MSRA: variants seen among roughly 807,000 people sequenced by gnomAD.
MSRA encodes the protein mitochondrial peptide methionine sulfoxide reductase.
A neutral mutation model predicts 31.3 loss-of-function variants in MSRA; 54 were observed. The observed-to-expected ratio is 1.73, with a 90% CI of 1.39 to 2.17. MSRA has a LOEUF of 2.17. Ranked by LOEUF, MSRA falls within the 30% of genes most tolerant of loss-of-function variation. MSRA has a pLI of 0.00. For missense variants in MSRA, 507 were observed against 300.9 expected, an observed-to-expected ratio of 1.69 and a Z score of -5.07; for synonymous variants, 169 against 116.5, an observed-to-expected ratio of 1.45 and a Z score of -2.90.
intron 1 of MSRA, chr8:10,096,427 T>A (rs1351040780): frequency 1.7e-5 from 6 of 346,996 alleles, no homozygotes; most frequent in Non-Finnish European, 2.4e-5. Context: ...GAATTCTCAT[T>A]GTGAGAAGGA....
chr8:10,317,088 C>T (rs1437104162), intron 4 of MSRA, among the ~76,000 whole-genome samples: 2 of 152,192 alleles, frequency 1.3e-5, no homozygotes, highest in African/African-American at 2.4e-5. Flanking sequence ...GTAGGAGTCA[C>T]TCTGTTTTCA....
intron 5 of MSRA, among the ~76,000 whole-genome samples, chr8:10,404,409 C>A (rs986950356): frequency 1.3e-5 from 2 of 152,246 alleles, no homozygotes; most frequent in African/African-American, 2.4e-5. Context: ...TCACCACCCC[C>A]CAACCCTCCG....
chr8:10,063,880 T>C (rs1797330586), intron 1 of MSRA, among the ~76,000 whole-genome samples: 1 of 152,218 alleles, frequency 6.6e-6, no homozygotes, highest in South Asian at 2.1e-4. Flanking sequence ...GGATGTTTTT[T>C]CCTTGCAGCC....
intron 2 of MSRA, among the ~76,000 whole-genome samples, chr8:10,226,963 C>G (rs1276701020): frequency 1.3e-5 from 2 of 152,152 alleles, no homozygotes; most frequent in African/African-American, 4.8e-5. Context: ...GCTGGGAGAA[C>G]TGTGCTGGTC....
chr8:10,179,309 A>G (rs138712190), intron 1 of MSRA, among the ~76,000 whole-genome samples: 10 of 152,326 alleles, frequency 6.6e-5, no homozygotes, highest in Non-Finnish European at 1.5e-4. Context: ...CAGAAGGAAG[A>G]CAGGGTTCAT....
chr8:10,186,804 A>G (rs1807096158), intron 1 of MSRA, among the ~76,000 whole-genome samples: 1 of 152,010 alleles, frequency 6.6e-6, no homozygotes, highest in African/African-American at 2.4e-5. Context: ...CCGTGCTGCT[A>G]TTGTTTTTTT....
At chr8:10,174,701 G>T (rs1805884446) in intron 1 of MSRA, among the ~76,000 whole-genome samples, 1 of 152,044 alleles carries the variant, frequency 6.6e-6, no homozygotes, top group South Asian at 2.1e-4. Context: ...ATCTTTCATT[G>T]CTGGTTAGAC....
rs952591203 is a variant in MSRA, at chr8:10,332,973, A to G, written c.543+12984A>G. ...GAGCCCCTGTGCAGATGCCGGTATCAGTCTTTTATTCACTTGCACTGAGTT... is the reference window on the plus strand; with the variant it reads ...GAGCCCCTGTGCAGATGCCGGTATCGGTCTTTTATTCACTTGCACTGAGTT... On this transcript the variant is annotated intron_variant, in intron 5 of 5. Coordinates refer to ENST00000317173, the MANE Select transcript of MSRA (RefSeq NM_012331.5). Among the ~76,000 whole-genome samples the G allele has an allele frequency of 5.9e-5, 9 of 152,360 alleles. 1 individual carries two copies. The highest frequency in any genetic ancestry group is 1.7e-4 in the African/African-American group (7 of 41,582).
chr8:10,238,526 G>C (rs7828040), intron 2 of MSRA, among the ~76,000 whole-genome samples: 10,615 of 152,216 alleles, frequency 0.07, 424 homozygotes, highest in South Asian at 0.17. Context: ...AAAAATATTT[G>C]TTGAATAAAT....
chr8:10,191,232 A>AC (rs1171448446), intron 1 of MSRA, among the ~76,000 whole-genome samples: 1 of 152,158 alleles, frequency 6.6e-6, no homozygotes, highest in Non-Finnish European at 1.5e-5. Context: ...AATAGGAATA[A>AC]CCCCACCATC....
chr8:10,406,912 G>T (rs533459622), intron 5 of MSRA, among the ~76,000 whole-genome samples: 2 of 152,310 alleles, frequency 1.3e-5, no homozygotes, highest in Non-Finnish European at 2.9e-5. Context: ...GAGTGCAGTG[G>T]CATGATCTCA....
intron 1 of MSRA, among the ~76,000 whole-genome samples, chr8:10,106,143 C>T (rs1173010954): frequency 6.6e-6 from 1 of 152,164 alleles, no homozygotes; most frequent in African/African-American, 2.4e-5. Context: ...ATACTAACAG[C>T]TGAGGGAAGA....
intron 5 of MSRA, among the ~76,000 whole-genome samples, chr8:10,335,923 A>G (rs1024275046): frequency 6.6e-6 from 1 of 152,130 alleles, no homozygotes; most frequent in Non-Finnish European, 1.5e-5. Flanking sequence ...TGATACGTAC[A>G]TGGGGGAGCC....
At chr8:10,406,472 G>C (rs1249893368) in intron 5 of MSRA, among the ~76,000 whole-genome samples, 1 of 152,220 alleles carries the variant, frequency 6.6e-6, no homozygotes, top group African/African-American at 2.4e-5. Flanking sequence ...ATCCTTTCAG[G>C]TAATGAAAGC....
intron 5 of MSRA, among the ~76,000 whole-genome samples, chr8:10,356,674 G>T (rs6998123): frequency 0.98 from 149,458 of 152,230 alleles, 73,412 homozygotes; most frequent in East Asian, 1. Context: ...AGAGACCCTT[G>T]GCCCATTCTG....
chr8:10,173,183 C>T (rs1167109142), intron 1 of MSRA, among the ~76,000 whole-genome samples: 3 of 152,146 alleles, frequency 2.0e-5, no homozygotes, highest in Admixed American at 6.5e-5. Context: ...GCTTTTGGTT[C>T]GACTATGTGA....
intron 5 of MSRA, among the ~76,000 whole-genome samples, chr8:10,323,468 C>T (rs1802173951): frequency 6.6e-6 from 1 of 152,118 alleles, no homozygotes; most frequent in Non-Finnish European, 1.5e-5. Flanking sequence ...AGTTCAAGGC[C>T]AGTGCCTTCC....
intron 5 of MSRA, among the ~76,000 whole-genome samples, chr8:10,419,717 G>A (rs888956251): frequency 2.6e-5 from 4 of 152,188 alleles, no homozygotes; most frequent in Admixed American, 6.5e-5. Flanking sequence ...AGTTGGTGGC[G>A]CTTGGTGTTT....
chr8:10,228,942 G>T (rs756567168), intron 2 of MSRA, among the ~76,000 whole-genome samples: 5 of 152,028 alleles, frequency 3.3e-5, no homozygotes, highest in Non-Finnish European at 7.4e-5. Context: ...TGTTTGTAGG[G>T]AAAATTTTAT....
Sources: gnomAD v4.1 joint callset for allele counts (sites outside exome capture counted in the v4.1 genomes callset) on GRCh38, gnomAD v4.1.1 for gene constraint, MANE v1.5 for transcripts, NCBI Gene and HGNC (gene_info 2026-07-23, HGNC 2026-07-21) for gene names.